TECPR2: variants seen among roughly 807,000 people sequenced by gnomAD.
The protein encoded by TECPR2 is tectonin beta-propeller repeat-containing protein 2.
Under a neutral mutation model 138.1 loss-of-function variants are expected in TECPR2, and 65 were observed. That is an observed-to-expected ratio of 0.47 (90% CI 0.39 to 0.58). The LOEUF (loss-of-function observed/expected upper bound fraction) is 0.58. Ranked by LOEUF, TECPR2 falls within the 20% of genes least tolerant of loss-of-function variation. TECPR2 has a pLI of 0.00. For synonymous variants in TECPR2, 746 were observed against 749.8 expected, an observed-to-expected ratio of 0.99 and a Z score of 0.08; for missense variants, 1,553 against 1,824.5, an observed-to-expected ratio of 0.85 and a Z score of 2.71.
intron 2 of TECPR2, 108 bp downstream of exon 2, chr14:102,377,048 C>T: frequency 9.2e-7 from 1 of 1,082,342 alleles, no homozygotes. Flanking sequence ...CAGAATATGG[C>T]CTTAATACCT....
intron 9 of TECPR2, chr14:102,437,087 AG>A (rs1421225194): frequency 1.0e-5 from 10 of 985,330 alleles, no homozygotes; most frequent in Non-Finnish European, 1.2e-5. Context: ...TCGGTGTGGA[AG>A]TAAGACTTGC....
chr14:102,381,801 T>A (rs2139663415), intron 2 of TECPR2, among the ~76,000 whole-genome samples: 1 of 152,270 alleles, frequency 6.6e-6, no homozygotes, highest in East Asian at 1.9e-4. Context: ...ATAAATACAA[T>A]AGATGATTTT....
intron 6 of TECPR2, 100 bp downstream of exon 6, chr14:102,425,391 A>G (rs1315405098): frequency 8.3e-7 from 1 of 1,211,320 alleles, no homozygotes; most frequent in Non-Finnish European, 1.1e-6. Context: ...TACCAGGAGC[A>G]GTATTGACTT....
chr14:102,434,164 T>C (rs1201048786), intron 8 of TECPR2, 71 bp from the exon 9 acceptor site: 17 of 1,309,090 alleles, frequency 1.3e-5, no homozygotes, highest in Non-Finnish European at 1.7e-5. Context: ...GCCAAAAATA[T>C]GTGTGCAAGT....
chr14:102,368,898 C>T (rs1210106407), intron 1 of TECPR2, among the ~76,000 whole-genome samples: 2 of 151,956 alleles, frequency 1.3e-5, no homozygotes, highest in East Asian at 3.9e-4. Context: ...GATTGTTGTA[C>T]GGGTGAGGGA....
intron 9 of TECPR2, among the ~76,000 whole-genome samples, chr14:102,435,695 C>T (rs2139732886): frequency 6.6e-6 from 1 of 152,326 alleles, no homozygotes; most frequent in South Asian, 2.1e-4. Flanking sequence ...ACTGCTGTCT[C>T]CTCAACCTCC....
chr14:102,422,048 C>G (rs978823378), intron 5 of TECPR2, among the ~76,000 whole-genome samples: 1 of 151,786 alleles, frequency 6.6e-6, no homozygotes, highest in African/African-American at 2.4e-5. Context: ...TGTATAATCA[C>G]GTTTAAAAAG....
At chr14:102,365,725 G>A (rs1279626418) in intron 1 of TECPR2, among the ~76,000 whole-genome samples, 1 of 152,208 alleles carries the variant, frequency 6.6e-6, no homozygotes, top group African/African-American at 2.4e-5. Context: ...GAAGAAGCGT[G>A]TAGAGGGGTG....
At chr14:102,401,439 CA>C (rs35011003) in intron 2 of TECPR2, among the ~76,000 whole-genome samples, 6,697 of 56,994 alleles carry the variant, frequency 0.12, 132 homozygotes, top group Middle Eastern at 0.21. Context: ...AACTCCATCT[CA>C]AAAAAAAAAA....
At chr14:102,497,162 G>T (rs760799817) in intron 18 of TECPR2, 42 bp downstream of exon 18, 1 of 1,592,548 alleles carries the variant, frequency 6.3e-7, no homozygotes, top group South Asian at 1.1e-5. Flanking sequence ...GGCCAGCCGG[G>T]GCTACCATCA....
At chr14:102,417,157 A>G (rs1889047722) in intron 5 of TECPR2, among the ~76,000 whole-genome samples, 2 of 152,276 alleles carry the variant, frequency 1.3e-5, no homozygotes, top group African/African-American at 2.4e-5. Flanking sequence ...GCAGAAACAA[A>G]TAAATGTGTC....
intron 17 of TECPR2, among the ~76,000 whole-genome samples, chr14:102,489,345 G>C (rs1309574268): frequency 6.6e-6 from 1 of 151,946 alleles, no homozygotes; most frequent in Non-Finnish European, 1.5e-5. Context: ...CTGGCTGGGC[G>C]CGGTGGCTCA....
chr14:102,445,171 A>C (rs1190551), intron 12 of TECPR2, among the ~76,000 whole-genome samples: 1 of 152,116 alleles, frequency 6.6e-6, no homozygotes, highest in Non-Finnish European at 1.5e-5. Context: ...GGAAGGCAGC[A>C]TGCAGAGTGG....
At chr14:102,475,510 C>T (rs2139780441) in intron 17 of TECPR2, among the ~76,000 whole-genome samples, 1 of 152,222 alleles carries the variant, frequency 6.6e-6, no homozygotes, top group African/African-American at 2.4e-5. Context: ...AGGTCAGATG[C>T]CCAGGAGTGT....
chr14:102,432,121 G>T lies in TECPR2; in HGVS notation c.1410G>T (p.Lys470Asn). 6.3e-7 allele frequency: 1 copy of T among 1,576,476 alleles called. No homozygotes were observed. Among genetic ancestry groups the T allele is most frequent in the Non-Finnish European group, 8.6e-7 (1 of 1,158,402 alleles). Reference sequence around the variant, plus strand: ...AAGTGAAAAGGAAGAAGAAGAAGAAGAAGACAGGTACCCTCTGTAGCTGGC... The same window carrying T: ...AAGTGAAAAGGAAGAAGAAGAAGAATAAGACAGGTACCCTCTGTAGCTGGC... The part of the protein sequence containing the change: ...PIKVKRKKKK[K>N]KTEGGSRSTC... Residue 470 changes from lysine to asparagine, a missense_variant, in exon 8 of 20, where the codon AAG becomes AAT. Coordinates refer to ENST00000359520, the MANE Select transcript of TECPR2 (RefSeq NM_014844.5).
At chr14:102,394,814 C>T (rs1452770247) in intron 2 of TECPR2, among the ~76,000 whole-genome samples, 6 of 152,304 alleles carry the variant, frequency 3.9e-5, no homozygotes, top group East Asian at 1.9e-4. Flanking sequence ...AAGGTCTCGA[C>T]GGAGTCTGTC....
intron 17 of TECPR2, among the ~76,000 whole-genome samples, chr14:102,496,406 G>A (rs768934060): frequency 1.8e-4 from 27 of 152,354 alleles, no homozygotes; most frequent in South Asian, 4.1e-4. Flanking sequence ...CCTGTCCTGT[G>A]AAGAGCAGAC....
intron 17 of TECPR2, among the ~76,000 whole-genome samples, chr14:102,491,683 C>T (rs1010126680): frequency 2.0e-5 from 3 of 152,236 alleles, no homozygotes; most frequent in Non-Finnish European, 4.4e-5. Context: ...CTCAGTTCTA[C>T]ACTTGCTGGG....
intron 2 of TECPR2, among the ~76,000 whole-genome samples, chr14:102,401,882 C>A (rs1296463464): frequency 6.7e-6 from 1 of 150,100 alleles, no homozygotes; most frequent in East Asian, 1.9e-4. Context: ...AAAAGATATT[C>A]CATGCAAATA....
Sources: allele counts gnomAD v4.1 joint callset (sites outside exome capture counted in the v4.1 genomes callset), GRCh38; gene constraint gnomAD v4.1.1; transcripts MANE v1.5; gene names NCBI Gene and HGNC (gene_info 2026-07-23, HGNC 2026-07-21).